The following GALNT17 variants were observed in gnomAD, a reference collection of about 807,000 sequenced individuals.
GALNT17 encodes the protein polypeptide N-acetylgalactosaminyltransferase 17.
GALNT17 carries 29 observed loss-of-function variants against 63.7 expected under a neutral mutation model. That is an observed-to-expected ratio of 0.46 (90% CI 0.34 to 0.62). GALNT17 has a LOEUF of 0.62. Ranked by LOEUF, GALNT17 falls within the 20% of genes least tolerant of loss-of-function variation. The pLI is 0.01. For synonymous variants in GALNT17, 305 were observed against 318.3 expected (o/e 0.96, Z 0.45); for missense variants, 603 against 799.6 (o/e 0.75, Z 2.97).
rs147990888 is a variant in GALNT17, at chr7:71,333,577, G to A, written c.239-1973G>A. Among the ~76,000 whole-genome samples, 228 of 151,966 alleles carry A rather than the reference G, an allele frequency of 1.5e-3. 2 individuals are homozygous for A. The highest frequency in any genetic ancestry group is 5.3e-3 in the African/African-American group (221 of 41,454). Reference sequence around the variant, plus strand: ...TTGTTTTTGAGACAGAGTCTTGCTCGGTCACCCAGGCTGGAGTGCAGCTGT... The same window carrying A: ...TTGTTTTTGAGACAGAGTCTTGCTCAGTCACCCAGGCTGGAGTGCAGCTGT... On this transcript the variant is annotated intron_variant, in intron 1 of 10. Coordinates refer to ENST00000333538, the MANE Select transcript of GALNT17 (RefSeq NM_022479.3).
chr7:71,675,265 G>A (rs1791132756), intron 8 of GALNT17, among the ~76,000 whole-genome samples: 1 of 152,126 alleles, frequency 6.6e-6, no homozygotes, highest in South Asian at 2.1e-4. Flanking sequence ...CTACTTTAGG[G>A]CAGGGACTAT....
At chr7:71,655,502 A>G (rs1790816170) in intron 6 of GALNT17, among the ~76,000 whole-genome samples, 1 of 152,188 alleles carries the variant, frequency 6.6e-6, no homozygotes, top group South Asian at 2.1e-4. Context: ...TTCTGTTAGC[A>G]GAGGCCATAG....
At chr7:71,287,165 CTG>C (rs1192119082) in intron 1 of GALNT17, among the ~76,000 whole-genome samples, 1 of 152,148 alleles carries the variant, frequency 6.6e-6, no homozygotes, top group Non-Finnish European at 1.5e-5. Context: ...TCAGGCTTCA[CTG>C]CATCCTCGAC....
At chr7:71,455,136 C>T (rs1787331086) in intron 5 of GALNT17, among the ~76,000 whole-genome samples, 1 of 151,388 alleles carries the variant, frequency 6.6e-6, no homozygotes, top group African/African-American at 2.4e-5. Context: ...CACTGCACTC[C>T]AGCCTGGGCA....
At chr7:71,703,175 T>C (rs1791676358) in intron 9 of GALNT17, among the ~76,000 whole-genome samples, 1 of 152,202 alleles carries the variant, frequency 6.6e-6, no homozygotes, top group Non-Finnish European at 1.5e-5. Context: ...CTGGGGGCAA[T>C]TGAAGTTTAT....
At chr7:71,600,525 A>G (rs1045360716) in intron 6 of GALNT17, among the ~76,000 whole-genome samples, 7 of 152,098 alleles carry the variant, frequency 4.6e-5, no homozygotes, top group Non-Finnish European at 1.0e-4. Context: ...TCACAGCAAC[A>G]CCATGATGCA....
chr7:71,664,249 T>C (rs996262441), intron 6 of GALNT17, among the ~76,000 whole-genome samples: 3 of 152,132 alleles, frequency 2.0e-5, no homozygotes, highest in Non-Finnish European at 4.4e-5. Context: ...CATAATGGCA[T>C]TGGAGTGGAT....
intron 6 of GALNT17, among the ~76,000 whole-genome samples, chr7:71,620,620 G>A (rs78775321): frequency 0.024 from 3,617 of 152,220 alleles, 153 homozygotes; most frequent in African/African-American, 0.082. Flanking sequence ...GATGCATAAC[G>A]GATATACATA....
intron 1 of GALNT17, among the ~76,000 whole-genome samples, chr7:71,154,013 C>A (rs1283621984): frequency 2.0e-5 from 3 of 152,178 alleles, no homozygotes; most frequent in African/African-American, 4.8e-5. Flanking sequence ...TAATTCCCCT[C>A]TTGTTGATGA....
intron 6 of GALNT17, among the ~76,000 whole-genome samples, chr7:71,596,231 G>T (rs952447277): frequency 1.3e-5 from 2 of 152,054 alleles, no homozygotes; most frequent in African/African-American, 4.8e-5. Flanking sequence ...GTAGAGACGG[G>T]GTTTCACCAT....
chr7:71,208,261 G>A (rs1419324402), intron 1 of GALNT17, among the ~76,000 whole-genome samples: 7 of 151,976 alleles, frequency 4.6e-5, no homozygotes, highest in Non-Finnish European at 8.8e-5. Context: ...GGAATTAAAT[G>A]TGGTGTTTCT....
chr7:71,552,581 C>T (rs1307526412), intron 5 of GALNT17, among the ~76,000 whole-genome samples: 2 of 151,638 alleles, frequency 1.3e-5, no homozygotes, highest in Non-Finnish European at 2.9e-5. Flanking sequence ...GCTAGGACTA[C>T]AGGCCCGTGC....
At chr7:71,341,468 GA>G (rs1055856798) in intron 2 of GALNT17, among the ~76,000 whole-genome samples, 11 of 151,536 alleles carry the variant, frequency 7.3e-5, no homozygotes, top group African/African-American at 2.2e-4. Flanking sequence ...TTCATGAAAA[GA>G]AAAAAAACTA....
At chr7:71,374,175 T>A (rs898365234) in intron 2 of GALNT17, among the ~76,000 whole-genome samples, 1 of 152,230 alleles carries the variant, frequency 6.6e-6, no homozygotes, top group Admixed American at 6.5e-5. Context: ...CCTTCCTTGA[T>A]GAATAATTCC....
intron 5 of GALNT17, among the ~76,000 whole-genome samples, chr7:71,538,856 G>GGGA (rs1382892724): frequency 6.6e-6 from 1 of 151,968 alleles, no homozygotes; most frequent in African/African-American, 2.4e-5. Context: ...AAAGGAAGGA[G>GGGA]GGAGGGATGG....
chr7:71,279,651 C>T (rs1446173783), intron 1 of GALNT17, among the ~76,000 whole-genome samples: 1 of 151,606 alleles, frequency 6.6e-6, no homozygotes, highest in Non-Finnish European at 1.5e-5. Flanking sequence ...GAAGGGACAC[C>T]ATGCAACCAC....
intron 2 of GALNT17, among the ~76,000 whole-genome samples, chr7:71,352,093 C>T (rs796287833): frequency 3.9e-5 from 6 of 152,162 alleles, no homozygotes; most frequent in African/African-American, 1.4e-4. Context: ...GAGAGGGACT[C>T]AGTGGGTGAA....
intron 1 of GALNT17, among the ~76,000 whole-genome samples, chr7:71,237,562 G>A (rs188453519): frequency 2.9e-4 from 44 of 150,800 alleles, no homozygotes; most frequent in Middle Eastern, 3.4e-3. Context: ...GTGTACGCCT[G>A]TAGTCCCAGC....
At chr7:71,493,949 G>T (rs1269476880) in intron 5 of GALNT17, among the ~76,000 whole-genome samples, 1 of 152,044 alleles carries the variant, frequency 6.6e-6, no homozygotes, top group Non-Finnish European at 1.5e-5. Context: ...AGAGAAGAAG[G>T]AAGTCTATCA....
Sources: gnomAD v4.1 joint callset for allele counts (sites outside exome capture counted in the v4.1 genomes callset) on GRCh38, gnomAD v4.1.1 for gene constraint, MANE v1.5 for transcripts, NCBI Gene and HGNC (gene_info 2026-07-23, HGNC 2026-07-21) for gene names.